TEKT1: variants seen among roughly 807,000 people sequenced by gnomAD.
TEKT1 encodes the protein tektin 1, also known as tektin-1.
TEKT1 carries 32 observed loss-of-function variants against 34.8 expected under a neutral mutation model. The ratio of observed to expected loss-of-function variants is 0.92; its 90% confidence interval spans 0.69 to 1.23. The LOEUF (loss-of-function observed/expected upper bound fraction) is 1.23, where lower values mean the gene tolerates loss of function less well. Ranked by LOEUF, TEKT1 falls within the 50% of genes most tolerant of loss-of-function variation. TEKT1 has a pLI of 0.00. For synonymous variants in TEKT1, 207 were observed against 199.8 expected, an observed-to-expected ratio of 1.04 and a Z score of -0.30; for missense variants, 492 against 518.5, an observed-to-expected ratio of 0.95 and a Z score of 0.50.
rs1264386392 is a variant in TEKT1, at chr17:6,815,913, G to A, written c.406C>T (p.Leu136=). 6.8e-6 allele frequency: 11 copies of A among 1,614,030 alleles called. No homozygotes were observed. The highest frequency in any genetic ancestry group is 9.3e-6 in the Non-Finnish European group (11 of 1,180,030). ...DLVHDTVEHE[L]IKEAEIIQGI... ...TGGATGATCTCAGCCTCCTTTATCA[G>A]CTCATGCTCCACTGTGTCGTGCACC... The change falls in exon 4 of 8, where the codon CTG becomes TTG. Residue 136 remains leucine, a synonymous_variant. Transcript: ENST00000338694.
intron 6 of TEKT1, among the ~76,000 whole-genome samples, chr17:6,805,098 T>G (rs1055162978): frequency 1.3e-5 from 2 of 151,934 alleles, no homozygotes; most frequent in African/African-American, 4.8e-5. Context: ...GGTCCTGGAA[T>G]TTTTTTTGGT....
chr17:6,816,627 A>G (rs1398287058), intron 3 of TEKT1, among the ~76,000 whole-genome samples: 1 of 152,076 alleles, frequency 6.6e-6, no homozygotes, highest in Admixed American at 6.5e-5. Flanking sequence ...AATCTAGTCT[A>G]TTACTGATGG....
In TEKT1 at chr17:6,811,953, AC is replaced by A. The variant is rs1268157249; in HGVS notation, c.852+877del. 6.6e-6 allele frequency among the ~76,000 whole-genome samples: 1 copy of A among 152,048 alleles called. No individual in the cohort carries two copies. Among genetic ancestry groups the A allele is most frequent in the Non-Finnish European group, 1.5e-5 (1 of 67,996 alleles). Reference sequence around the variant, plus strand: ...CTTTGTATTTGCAGTACAAATACTAACCCCCTCTGATATGGTTTGGCTCTGT... The same window carrying A: ...CTTTGTATTTGCAGTACAAATACTAACCCCTCTGATATGGTTTGGCTCTGT... On this transcript the variant is annotated intron_variant, in intron 6 of 7. Coordinates refer to ENST00000338694, the MANE Select transcript of TEKT1 (RefSeq NM_053285.2). This position sits in a 1 kb window ranked among gnomAD's most constrained non-coding sequence, Gnocchi z 4.4.
intron 6 of TEKT1, among the ~76,000 whole-genome samples, chr17:6,807,070 C>T (rs1003956337): frequency 6.6e-6 from 1 of 152,202 alleles, no homozygotes; most frequent in Non-Finnish European, 1.5e-5. Flanking sequence ...TGTTTTCCAA[C>T]TTGGTTCCAT....
chr17:6,809,213 C>A (rs1237207591), intron 6 of TEKT1, among the ~76,000 whole-genome samples: 1 of 151,956 alleles, frequency 6.6e-6, no homozygotes, highest in Non-Finnish European at 1.5e-5. Flanking sequence ...TTGTGTTGTA[C>A]AATCTATGAG....
In TEKT1 at chr17:6,798,588, G is replaced by GCACTGGGGTGGCTGAT. The variant is rs1182434277; in HGVS notation, c.*1438_*1439insATCAGCCACCCCAGTG. The GCACTGGGGTGGCTGAT allele has an allele frequency of 1.3e-5, 2 of 152,270 alleles. No homozygotes were observed. The highest frequency in any genetic ancestry group is 2.9e-5 in the Non-Finnish European group (2 of 68,072). 9.4% of individuals were successfully genotyped at this position (152,270 alleles called of 1,614,324 possible). ...TGAGCACTCTGAGAGGAGACGTTCA[G>GCACTGGGGTGGCTGAT]CACTGGGGTGGCATAGATCAGAATT... is the stretch of plus-strand genomic sequence containing the variant. On this transcript the variant is annotated 3_prime_UTR_variant, in exon 8 of 8. Transcript: ENST00000338694.
intron 3 of TEKT1, among the ~76,000 whole-genome samples, chr17:6,817,075 A>G (rs1977016962): frequency 6.6e-6 from 1 of 152,150 alleles, no homozygotes; most frequent in African/African-American, 2.4e-5. Flanking sequence ...CAAACAATTG[A>G]ACATAGAAAG....
rs540398916 is a variant in TEKT1 at position 6,815,954 on chromosome 17, C to T, written c.365G>A (p.Arg122His). The T allele has an allele frequency of 4.5e-5, 72 of 1,613,866 alleles. No individual in the cohort carries two copies. Among genetic ancestry groups the T allele is most frequent in the Admixed American group, 2.8e-4 (17 of 60,006 alleles). ...TETCLAYREK[R>H]IGIDLVHDTV... The stretch of plus-strand genomic sequence containing the variant: ...GTCGTGCACCAGGTCAATGCCAATG[C>T]GCTTCTCCCTGGCAGGGGGAAAGGC... Residue 122 changes from arginine to histidine, a missense_variant, in exon 4 of 8, where the codon CGC (arginine) becomes CAC (histidine). By Grantham distance (29) the Arg-to-His change is conservative. Transcript: ENST00000338694.
rs562793447 is a variant in TEKT1, at chr17:6,798,448, G to A, written c.*1579C>T. 1.1e-4 allele frequency: 17 copies of A among 152,368 alleles called. No individual in the cohort carries two copies. Among genetic ancestry groups the A allele is most frequent in the African/African-American group, 3.6e-4 (15 of 41,570 alleles). 9.4% of individuals were successfully genotyped at this position (152,368 alleles called of 1,614,324 possible). On this transcript the variant is annotated 3_prime_UTR_variant, in exon 8 of 8. Transcript: ENST00000338694. ...AACTCTGAGGTCTGCCCAGTGAGCT[G>A]GGAAGGCTTATTTGGACTCTTCCGA...
At chr17:6,822,356 C>G (rs1200043940) in intron 2 of TEKT1, among the ~76,000 whole-genome samples, 1 of 152,156 alleles carries the variant, frequency 6.6e-6, no homozygotes, top group Non-Finnish European at 1.5e-5. Flanking sequence ...AGGCTGGTCT[C>G]AAACTCCTGG....
chr17:6,799,996 G>C lies in TEKT1; in HGVS notation c.*31C>G. 6.3e-7 allele frequency: 1 copy of C among 1,584,502 alleles called. No individual in the cohort carries two copies. The highest frequency in any genetic ancestry group is 1.3e-5 in the African/African-American group (1 of 74,668). On this transcript the variant is annotated 3_prime_UTR_variant, in exon 8 of 8. Transcript: ENST00000338694. The stretch of plus-strand genomic sequence containing the variant: ...CTACTGTAACTACTGTTTACAATGT[G>C]GTTTAATGAGAATTGGAACTAGCCC...
chr17:6,821,474 G>GACA (rs1443985754), intron 2 of TEKT1, among the ~76,000 whole-genome samples: 1 of 152,180 alleles, frequency 6.6e-6, no homozygotes, highest in Non-Finnish European at 1.5e-5. Context: ...GTGGAACTGT[G>GACA]GGTCGATTAA....
Position 6,812,805 on chromosome 17 carries a change from T to C in TEKT1, c.852+26A>G, listed in dbSNP as rs201210569. Reference sequence around the variant, plus strand: ...GTGAAAGCTCCTGAATCTGCTCTTCTTCCATGCTCCCTCAAGGGACCTCAC... The same window carrying C: ...GTGAAAGCTCCTGAATCTGCTCTTCCTCCATGCTCCCTCAAGGGACCTCAC... On this transcript the variant is annotated intron_variant, in intron 6 of 7. Coordinates refer to ENST00000338694, the MANE Select transcript of TEKT1 (RefSeq NM_053285.2). 8.1e-6 allele frequency: 13 copies of C among 1,601,910 alleles called. No homozygotes were observed. In the African/African-American group the frequency reaches 1.3e-4, roughly 16 times the overall value.
Position 6,798,599 on chromosome 17 carries a change from G to C in TEKT1, c.*1428C>G, listed in dbSNP as rs973338429. 8 of 152,206 alleles carry C rather than the reference G, an allele frequency of 5.3e-5. No individual in the cohort carries two copies. Among genetic ancestry groups the C allele is most frequent in the African/African-American group, 1.7e-4 (7 of 41,434 alleles). 9.4% of individuals were successfully genotyped at this position (152,206 alleles called of 1,614,324 possible). A position where few individuals can be genotyped will look rare whatever the true frequency, so the allele number is the denominator to read the frequency against. On this transcript the variant is annotated 3_prime_UTR_variant, in exon 8 of 8. Coordinates refer to ENST00000338694, the MANE Select transcript of TEKT1 (RefSeq NM_053285.2). ...AGAGGAGACGTTCAGCACTGGGGTG[G>C]CATAGATCAGAATTAACAGAATTAA... is the stretch of plus-strand genomic sequence containing the variant.
intron 6 of TEKT1, among the ~76,000 whole-genome samples, chr17:6,803,542 T>C (rs1261254273): frequency 1.3e-5 from 2 of 152,248 alleles, no homozygotes; most frequent in Non-Finnish European, 2.9e-5. Flanking sequence ...CCCATGCCTA[T>C]GTCCTGAATG....
At chr17:6,806,373 G>C (rs932065548) in intron 6 of TEKT1, among the ~76,000 whole-genome samples, 7 of 152,268 alleles carry the variant, frequency 4.6e-5, no homozygotes, top group Middle Eastern at 3.4e-3. Flanking sequence ...CTGCACATGA[G>C]ATGGGTTTCC....
intron 2 of TEKT1, among the ~76,000 whole-genome samples, 187 bp downstream of exon 2, chr17:6,830,000 G>A (rs1044041995): frequency 9.2e-5 from 14 of 152,188 alleles, no homozygotes; most frequent in Non-Finnish European, 1.0e-4. Flanking sequence ...ATGGGTGGCT[G>A]AAAATCAGGC....
chr17:6,799,147 G>A lies in TEKT1; in HGVS notation c.*880C>T, dbSNP rs1976732769. ...TCTGACCTGCTGCAGCTCAGCGGAA[G>A]GCAGCCTCCCACAAGTTGAACTCTT... is the stretch of plus-strand genomic sequence containing the variant. On this transcript the variant is annotated 3_prime_UTR_variant, in exon 8 of 8. Transcript: ENST00000338694. The A allele has an allele frequency of 6.6e-6, 1 of 152,168 alleles. No individual in the cohort carries two copies. The highest frequency in any genetic ancestry group is 2.1e-4 in the South Asian group (1 of 4,834). The allele number at this position is 152,168 out of a possible 1,614,324, so 9.4% of individuals were successfully genotyped here.
At chr17:6,826,016 G>A (rs1381259437) in intron 2 of TEKT1, among the ~76,000 whole-genome samples, 1 of 152,222 alleles carries the variant, frequency 6.6e-6, no homozygotes, top group East Asian at 1.9e-4. Flanking sequence ...AGTCAATACT[G>A]CCAAAGCTTT....
Sources: allele counts gnomAD v4.1 joint callset (sites outside exome capture counted in the v4.1 genomes callset), GRCh38; gene constraint gnomAD v4.1.1; non-coding constraint Gnocchi (gnomAD v3.1); transcripts MANE v1.5; gene names NCBI Gene and HGNC (gene_info 2026-07-23, HGNC 2026-07-21).